The following TRABD2A variants were observed in gnomAD, a reference collection of about 807,000 sequenced individuals.
TRABD2A encodes metalloprotease TIKI1.
In TRABD2A, 43 loss-of-function variants were observed where a neutral mutation model predicts 45.6. The observed-to-expected ratio is 0.94, with a 90% CI of 0.74 to 1.22. The LOEUF is 1.22. TRABD2A is among the 50% of genes most tolerant of loss of function. The pLI is 0.00. For synonymous variants in TRABD2A, 269 were observed against 265.0 expected (o/e 1.02, Z -0.15); for missense variants, 642 against 652.4 (o/e 0.98, Z 0.17).
intron 2 of TRABD2A, among the ~76,000 whole-genome samples, chr2:84,862,287 T>C (rs895230388): frequency 1.4e-4 from 21 of 152,356 alleles, no homozygotes; most frequent in Admixed American, 1.2e-3. Flanking sequence ...GGATGAAGAA[T>C]TCGTGTTCTC....
At chr2:84,876,932 A>T (rs1683042016) in intron 1 of TRABD2A, among the ~76,000 whole-genome samples, 1 of 152,060 alleles carries the variant, frequency 6.6e-6, no homozygotes, top group Non-Finnish European at 1.5e-5. Context: ...GCTGTATCTT[A>T]TTCACCTTCA....
chr2:84,862,399 G>A (rs1682530445), intron 2 of TRABD2A, among the ~76,000 whole-genome samples: 1 of 152,160 alleles, frequency 6.6e-6, no homozygotes, highest in African/African-American at 2.4e-5. Context: ...TGGCTGCTAG[G>A]GTTTCAAAGG....
chr2:84,822,159 A>G, intron 6 of TRABD2A, 59 bp from the exon 7 acceptor site: 1 of 1,425,550 alleles, frequency 7.0e-7, no homozygotes, highest in Non-Finnish European at 9.3e-7. Flanking sequence ...TGCACACGCC[A>G]AGGCCCCCAA....
intron 2 of TRABD2A, among the ~76,000 whole-genome samples, chr2:84,869,788 T>TG (rs11421183): frequency 0.95 from 143,643 of 151,986 alleles, 68,000 homozygotes; most frequent in East Asian, 1. Context: ...GAGACCAGCC[T>TG]GGCAACATGG....
intron 3 of TRABD2A, among the ~76,000 whole-genome samples, chr2:84,841,216 A>G (rs916238090): frequency 3.3e-5 from 5 of 152,232 alleles, no homozygotes; most frequent in African/African-American, 1.2e-4. Context: ...TGATAAAAGC[A>G]TAACAAAGAT....
intron 4 of TRABD2A, chr2:84,834,651 T>C (rs1681441998): frequency 6.6e-6 from 1 of 152,282 alleles, no homozygotes; most frequent in Non-Finnish European, 1.5e-5. Flanking sequence ...TCATATGATT[T>C]TGTGACTGGC....
intron 2 of TRABD2A, among the ~76,000 whole-genome samples, chr2:84,859,350 T>C (rs1008851283): frequency 6.6e-6 from 1 of 152,202 alleles, no homozygotes; most frequent in African/African-American, 2.4e-5. Flanking sequence ...AACACCCACA[T>C]GTGCAAGGCA....
At chr2:84,852,307 A>G (rs542474387) in intron 2 of TRABD2A, among the ~76,000 whole-genome samples, 1 of 152,322 alleles carries the variant, frequency 6.6e-6, no homozygotes, top group Admixed American at 6.5e-5. Context: ...AGGACAGACC[A>G]ATGCAGCAAG....
Position 84,849,909 on chromosome 2 carries a change from G to A in TRABD2A, c.670-7902C>T, listed in dbSNP as rs531117626. Among the ~76,000 whole-genome samples the A allele has an allele frequency of 7.2e-5, 11 of 152,282 alleles. No homozygotes were observed. In the South Asian group the frequency reaches 1.0e-3, roughly 14 times the overall value. On this transcript the variant is annotated intron_variant, in intron 2 of 6. Transcript: ENST00000409520. ...TGGCAGAATGGGCCAGCATGCTTCCGCCAGTCGTAGTGTTTTCTACGGTTT... is the reference window on the plus strand; with the variant it reads ...TGGCAGAATGGGCCAGCATGCTTCCACCAGTCGTAGTGTTTTCTACGGTTT...
At chr2:84,850,440 C>G (rs1366654753) in intron 2 of TRABD2A, among the ~76,000 whole-genome samples, 3 of 152,158 alleles carry the variant, frequency 2.0e-5, no homozygotes, top group East Asian at 3.9e-4. Flanking sequence ...CCTACCCTGA[C>G]AGAGTAGCTC....
In TRABD2A at chr2:84,857,198, C is replaced by G. The variant is rs116765179; in HGVS notation, c.669+13027G>C. Among the ~76,000 whole-genome samples, 807 of 152,304 alleles carry G rather than the reference C, an allele frequency of 5.3e-3. 5 individuals carry two copies. Among genetic ancestry groups the G allele is most frequent in the Middle Eastern group, 0.02 (6 of 294 alleles). ...CCCAAGCAGGCTAATACACTTCCTTCCCCCAAATCCCACACAATGCTGGGG... is the reference window on the plus strand; with the variant it reads ...CCCAAGCAGGCTAATACACTTCCTTGCCCCAAATCCCACACAATGCTGGGG... On this transcript the variant is annotated intron_variant, in intron 2 of 6. Coordinates refer to ENST00000409520, the MANE Select transcript of TRABD2A (RefSeq NM_001277053.2).
intron 2 of TRABD2A, among the ~76,000 whole-genome samples, chr2:84,867,191 A>G (rs561061558): frequency 1.3e-5 from 2 of 152,322 alleles, no homozygotes; most frequent in East Asian, 3.9e-4. Context: ...TTTCCTCCTG[A>G]ATTTAAACAA....
At chr2:84,869,686 G>T (rs958714205) in intron 2 of TRABD2A, among the ~76,000 whole-genome samples, 4 of 152,138 alleles carry the variant, frequency 2.6e-5, no homozygotes, top group Non-Finnish European at 4.4e-5. Flanking sequence ...CATTTTAAAA[G>T]CACACAGTAT....
chr2:84,861,065 C>T (rs1242069990), intron 2 of TRABD2A, among the ~76,000 whole-genome samples: 3 of 152,302 alleles, frequency 2.0e-5, no homozygotes, highest in South Asian at 2.1e-4. Context: ...TCTGCAAACA[C>T]TTTCCATCAG....
chr2:84,880,958 T>C lies in TRABD2A; in HGVS notation c.82A>G (p.Thr28Ala), dbSNP rs1171899465. The change falls in exon 1 of 7, where the codon ACC becomes GCC. Residue 28 changes from threonine (T) to alanine (A), a missense_variant. Transcript: ENST00000409520. ...GAASRRGAPGTANCELKPQQS... is the reference protein window; with the variant it reads ...GAASRRGAPGAANCELKPQQS... Reference sequence around the variant, plus strand: ...TGGGGCTTGAGCTCGCAGTTGGCGGTGCCGGGCGCCCCGCGCCGCGAAGCT... The same window carrying C: ...TGGGGCTTGAGCTCGCAGTTGGCGGCGCCGGGCGCCCCGCGCCGCGAAGCT... 6.3e-7 allele frequency: 1 copy of C among 1,598,798 alleles called. No individual in the cohort carries two copies. The highest frequency in any genetic ancestry group is 1.7e-5 in the Admixed American group (1 of 58,090).
At chr2:84,879,663 G>T in intron 1 of TRABD2A, 1 of 949,510 alleles carries the variant, frequency 1.1e-6, no homozygotes, top group Non-Finnish European at 1.3e-6. Context: ...TGAGGAGATG[G>T]ACTCCTGCCT....
At chr2:84,852,158 G>A (rs534078741) in intron 2 of TRABD2A, among the ~76,000 whole-genome samples, 1 of 152,172 alleles carries the variant, frequency 6.6e-6, no homozygotes. Context: ...GGAACAGCCA[G>A]TATAGCTACC....
At chr2:84,854,775 A>G (rs981420734) in intron 2 of TRABD2A, among the ~76,000 whole-genome samples, 1 of 152,178 alleles carries the variant, frequency 6.6e-6, no homozygotes, top group African/African-American at 2.4e-5. Context: ...TGACAGCACC[A>G]CCAGGTAAGA....
chr2:84,845,699 T>G (rs1458940508), intron 2 of TRABD2A, among the ~76,000 whole-genome samples: 1 of 152,112 alleles, frequency 6.6e-6, no homozygotes, highest in Non-Finnish European at 1.5e-5. Context: ...ATCATGAGAG[T>G]TCATTCTGTG....
Sources: gnomAD v4.1 joint callset for allele counts (sites outside exome capture counted in the v4.1 genomes callset) on GRCh38, gnomAD v4.1.1 for gene constraint, MANE v1.5 for transcripts, NCBI Gene and HGNC (gene_info 2026-07-23, HGNC 2026-07-21) for gene names.